MROH9: variants seen among roughly 807,000 people sequenced by gnomAD.
The protein encoded by MROH9 is maestro heat-like repeat-containing protein family member 9.
MROH9 carries 92 observed loss-of-function variants against 98.2 expected under a neutral mutation model. The observed-to-expected ratio is 0.94, with a 90% CI of 0.79 to 1.11. The LOEUF (loss-of-function observed/expected upper bound fraction) is 1.11, where lower values mean the gene tolerates loss of function less well. Ranked by LOEUF, MROH9 falls within the 50% of genes most tolerant of loss-of-function variation. The pLI is 0.00. For synonymous variants in MROH9, 397 were observed against 368.9 expected, an observed-to-expected ratio of 1.08 and a Z score of -0.87; for missense variants, 1,057 against 1,014.8, an observed-to-expected ratio of 1.04 and a Z score of -0.57.
chr1:171,025,514 T>C (rs1652678763), intron 20 of MROH9, 94 bp downstream of exon 20: 2 of 792,712 alleles, frequency 2.5e-6, no homozygotes, highest in Admixed American at 4.7e-5. Flanking sequence ...TTTTAATGTC[T>C]CTGTTTATGA....
chr1:170,973,784 A>G (rs961600628), intron 8 of MROH9, among the ~76,000 whole-genome samples: 5 of 152,156 alleles, frequency 3.3e-5, no homozygotes, highest in African/African-American at 1.2e-4. Flanking sequence ...CTGAGACAGG[A>G]GAATTGCTTG....
chr1:170,959,678 T>C, intron 5 of MROH9, 81 bp downstream of exon 5: 1 of 1,345,540 alleles, frequency 7.4e-7, no homozygotes, highest in Admixed American at 2.1e-5. Flanking sequence ...CAGCAGGTGA[T>C]AATCTTTAGG....
chr1:171,055,960 C>A (rs1305017080), intron 20 of MROH9, among the ~76,000 whole-genome samples: 2 of 152,116 alleles, frequency 1.3e-5, no homozygotes, highest in African/African-American at 2.4e-5. Context: ...GAGCATCCTA[C>A]CCAGCAGGGG....
At chr1:170,998,643 C>A in intron 15 of MROH9, 2 of 1,168,640 alleles carry the variant, frequency 1.7e-6, no homozygotes, top group Admixed American at 4.5e-5. Flanking sequence ...TACTTCTGAC[C>A]ATCTAGAGGG....
intron 1 of MROH9, among the ~76,000 whole-genome samples, chr1:170,939,933 C>T (rs1490692246): frequency 6.6e-6 from 1 of 152,182 alleles, no homozygotes; most frequent in Non-Finnish European, 1.5e-5. Context: ...TCATTATCTG[C>T]CACTGATGCA....
intron 18 of MROH9, 30 bp from the exon 19 acceptor site, chr1:171,024,619 G>A (rs1164615858): frequency 6.5e-7 from 1 of 1,537,916 alleles, no homozygotes; most frequent in Non-Finnish European, 8.8e-7. Context: ...CAGATGAATA[G>A]ATCTTCACCG....
intron 17 of MROH9, among the ~76,000 whole-genome samples, chr1:171,022,753 CTTAAAG>C (rs1366821503): frequency 1.3e-5 from 2 of 151,718 alleles, no homozygotes; most frequent in Non-Finnish European, 2.9e-5. Context: ...TATCCCAGAA[CTTAAAG>C]TTAAAAAAAA....
At chr1:170,952,821 G>GGCA (rs1220666947) in intron 3 of MROH9, among the ~76,000 whole-genome samples, 1 of 151,750 alleles carries the variant, frequency 6.6e-6, no homozygotes, top group East Asian at 1.9e-4. Context: ...AGATGGCAGA[G>GGCA]GCAGCAGCAG....
At chr1:170,992,450 A>G in intron 12 of MROH9, 121 bp downstream of exon 12, 1 of 991,526 alleles carries the variant, frequency 1.0e-6, no homozygotes, top group Non-Finnish European at 1.5e-6. Flanking sequence ...GCATCCATTC[A>G]TGCAACACAT....
At position 171,014,127 on chromosome 1, in the gene MROH9, ACTT is replaced by A; in HGVS notation, c.1612_1614del (p.Phe538del). On this transcript the variant is annotated inframe_deletion, in exon 16 of 22. Transcript: ENST00000367759. ...ACTATTTTCTTTCAGCTTCTGAATA[ACTT>A]CTTCAAGGACCCTTTACCAGAAGAA... 1 of 1,550,378 alleles carries A rather than the reference ACTT, an allele frequency of 6.5e-7. No individual in the cohort carries two copies.
At chr1:170,978,973 G>T (rs1048985435) in intron 8 of MROH9, among the ~76,000 whole-genome samples, 1 of 152,168 alleles carries the variant, frequency 6.6e-6, no homozygotes, top group Non-Finnish European at 1.5e-5. Context: ...CAATAGCCCT[G>T]GTGAGGGATT....
rs935192178 is a variant in MROH9, at chr1:170,990,140, C to T, written c.1028+137C>T. On this transcript the variant is annotated intron_variant, in intron 11 of 21. Coordinates refer to ENST00000367759, the MANE Select transcript of MROH9 (RefSeq NM_001163629.2). The stretch of plus-strand genomic sequence containing the variant: ...TTCTGAAAGAGAAAATCTATTTTTG[C>T]ACCATGTGGGATACTTGTAAGACTC... 14 of 868,434 alleles carry T rather than the reference C, an allele frequency of 1.6e-5. No homozygotes were observed. The African/African-American group carries it at 2.1e-4, about 13-fold the overall frequency. 53.8% of individuals were successfully genotyped at this position (868,434 alleles called of 1,614,324 possible). A position where few individuals can be genotyped will look rare whatever the true frequency, so the allele number is the denominator to read the frequency against.
At chr1:170,992,063 A>C in intron 11 of MROH9, 101 bp from the exon 12 acceptor site, 1 of 1,292,402 alleles carries the variant, frequency 7.7e-7, no homozygotes, top group Non-Finnish European at 1.0e-6. Context: ...TTTGCTATAT[A>C]AAAATGTAAA....
intron 20 of MROH9, among the ~76,000 whole-genome samples, chr1:171,054,000 A>G (rs1015506498): frequency 2.0e-5 from 3 of 152,222 alleles, no homozygotes; most frequent in Non-Finnish European, 4.4e-5. Flanking sequence ...TAAAATGGCT[A>G]AGTTTGGATA....
chr1:170,965,820 T>C (rs898603908), intron 7 of MROH9, among the ~76,000 whole-genome samples: 3 of 152,138 alleles, frequency 2.0e-5, no homozygotes, highest in Non-Finnish European at 4.4e-5. Context: ...TATTATTTAT[T>C]GTTTCTTTAC....
Position 171,014,209 on chromosome 1 carries a change from A to C in MROH9, c.1689A>C (p.Arg563Ser), listed in dbSNP as rs1347306769. The change falls in exon 16 of 22, where the codon AGA becomes AGC. Residue 563 changes from arginine to serine, a missense_variant. By Grantham distance (110) the Arg-to-Ser change is moderately radical (BLOSUM62 -1). Coordinates refer to ENST00000367759, the MANE Select transcript of MROH9 (RefSeq NM_001163629.2). ...ATGATTCCAATCCTGTAGTTAGCAG[A>C]CTGATCCTTCATAGAATTGTCCACA... ...WINDSNPVVS[R>S]LILHRIVHMS... 5 of 1,551,234 alleles carry C rather than the reference A, an allele frequency of 3.2e-6. No homozygotes were observed. Among genetic ancestry groups the C allele is most frequent in the Non-Finnish European group, 8.7e-7 (1 of 1,146,820 alleles).
At chr1:170,962,031 A>G (rs1361218396) in intron 6 of MROH9, 55 bp downstream of exon 6, 1 of 941,640 alleles carries the variant, frequency 1.1e-6, no homozygotes, top group South Asian at 1.7e-5. Flanking sequence ...TATGCTCACT[A>G]TGCTTCACTT....
intron 20 of MROH9, among the ~76,000 whole-genome samples, chr1:171,027,814 GCTT>G (rs1652771096): frequency 6.6e-6 from 1 of 152,166 alleles, no homozygotes; most frequent in South Asian, 2.1e-4. Flanking sequence ...GTGATGTTGA[GCTT>G]TTTTTCATAT....
rs1299862586 is a variant in MROH9, at chr1:170,959,694, C to G, written c.288+97C>G. ...AGCAGGTGATAATCTTTAGGGTCCT[C>G]CTCTTCACTCTTTTTAGTTATAACA... On this transcript the variant is annotated intron_variant, in intron 5 of 21. Coordinates refer to ENST00000367759, the MANE Select transcript of MROH9 (RefSeq NM_001163629.2). 3 of 1,095,788 alleles carry G rather than the reference C, an allele frequency of 2.7e-6. No homozygotes were observed. In the African/African-American group the frequency reaches 4.8e-5, roughly 17 times the overall value. The allele number at this position is 1,095,788 out of a possible 1,614,324, so 67.9% of individuals were successfully genotyped here.
Sources: gnomAD v4.1 joint callset for allele counts (sites outside exome capture counted in the v4.1 genomes callset) on GRCh38, gnomAD v4.1.1 for gene constraint, MANE v1.5 for transcripts, NCBI Gene and HGNC (gene_info 2026-07-23, HGNC 2026-07-21) for gene names.